PALLD: variants seen among roughly 807,000 people sequenced by gnomAD.
The protein encoded by PALLD is palladin.
A neutral mutation model predicts 123.5 loss-of-function variants in PALLD; 61 were observed. The observed-to-expected ratio is 0.49, with a 90% CI of 0.40 to 0.61. The LOEUF is 0.61. PALLD is among the 20% of genes least tolerant of loss of function. The pLI is 0.00. For synonymous variants in PALLD, 465 were observed against 496.4 expected, an observed-to-expected ratio of 0.94 and a Z score of 0.84; for missense variants, 1,273 against 1,377.0, an observed-to-expected ratio of 0.92 and a Z score of 1.20.
chr4:168,865,118 G>A (rs1750070243), intron 10 of PALLD, among the ~76,000 whole-genome samples: 1 of 152,242 alleles, frequency 6.6e-6, no homozygotes, highest in South Asian at 2.1e-4. Flanking sequence ...TGGAAGGACT[G>A]GTGCTGCCCC....
chr4:168,859,043 T>G (rs1020114465), intron 10 of PALLD, among the ~76,000 whole-genome samples: 1 of 152,332 alleles, frequency 6.6e-6, no homozygotes, highest in South Asian at 2.1e-4. Flanking sequence ...GGAGAAAAAT[T>G]TGTAGCATTT....
At chr4:168,809,875 G>A (rs115684292) in intron 10 of PALLD, among the ~76,000 whole-genome samples, 32 of 145,178 alleles carry the variant, frequency 2.2e-4, no homozygotes, top group East Asian at 4.0e-4. Context: ...AAAAAAAAAA[G>A]AAAAAAAAAT....
intron 2 of PALLD, among the ~76,000 whole-genome samples, chr4:168,624,040 T>C (rs1380132985): frequency 6.6e-6 from 1 of 152,180 alleles, no homozygotes; most frequent in African/African-American, 2.4e-5. Context: ...GAAACATATA[T>C]GAAAATTAAC....
At chr4:168,803,560 C>G (rs1739676037) in intron 10 of PALLD, among the ~76,000 whole-genome samples, 1 of 151,974 alleles carries the variant, frequency 6.6e-6, no homozygotes. Flanking sequence ...ATGGCGCACG[C>G]CTGCAGTCTC....
chr4:168,811,772 T>TCACA (rs1290275045), intron 10 of PALLD, among the ~76,000 whole-genome samples: 367 of 98,382 alleles, frequency 3.7e-3, no homozygotes, highest in African/African-American at 0.011. Context: ...TCTCTCTCTC[T>TCACA]CTCTCACACA....
At chr4:168,761,353 G>A (rs1196091218) in intron 10 of PALLD, among the ~76,000 whole-genome samples, 4 of 152,034 alleles carry the variant, frequency 2.6e-5, no homozygotes, top group Non-Finnish European at 5.9e-5. Flanking sequence ...TGGCTTATTA[G>A]CATGTAAAAC....
At chr4:168,561,915 A>G (rs1364001163) in intron 2 of PALLD, among the ~76,000 whole-genome samples, 1 of 144,046 alleles carries the variant, frequency 6.9e-6, no homozygotes. Context: ...CCACTAATCA[A>G]CAGATATTTC....
At chr4:168,543,738 G>T (rs1030355165) in intron 2 of PALLD, among the ~76,000 whole-genome samples, 1 of 152,138 alleles carries the variant, frequency 6.6e-6, no homozygotes, top group Admixed American at 6.5e-5. Context: ...GACACTATTG[G>T]CTCCCTCCAG....
intron 2 of PALLD, among the ~76,000 whole-genome samples, chr4:168,546,609 A>G (rs1766162071): frequency 6.6e-6 from 1 of 152,190 alleles, no homozygotes; most frequent in African/African-American, 2.4e-5. Flanking sequence ...GACATCCTGC[A>G]GGTCTTTAAA....
intron 10 of PALLD, among the ~76,000 whole-genome samples, chr4:168,768,759 G>A (rs779987968): frequency 5.9e-5 from 9 of 152,124 alleles, no homozygotes; most frequent in Non-Finnish European, 2.9e-5. Context: ...TGCAACCTCC[G>A]CCTCCTGGGT....
At chr4:168,797,432 G>A (rs904274742) in intron 10 of PALLD, among the ~76,000 whole-genome samples, 1 of 151,598 alleles carries the variant, frequency 6.6e-6, no homozygotes, top group Non-Finnish European at 1.5e-5. Flanking sequence ...TCCCACGCAG[G>A]GAGTTAATTC....
At chr4:168,503,345 C>T (rs924781347) in intron 1 of PALLD, among the ~76,000 whole-genome samples, 4 of 152,080 alleles carry the variant, frequency 2.6e-5, no homozygotes, top group African/African-American at 4.8e-5. Context: ...AAGGATGAAC[C>T]GGAGTTTGAA....
At chr4:168,591,523 C>T (rs1462861042) in intron 2 of PALLD, among the ~76,000 whole-genome samples, 1 of 152,158 alleles carries the variant, frequency 6.6e-6, no homozygotes, top group Non-Finnish European at 1.5e-5. Flanking sequence ...AAAAAGTAGT[C>T]ACAATTTTAC....
At chr4:168,545,242 A>G (rs976130612) in intron 2 of PALLD, among the ~76,000 whole-genome samples, 1 of 152,082 alleles carries the variant, frequency 6.6e-6, no homozygotes, top group African/African-American at 2.4e-5. Flanking sequence ...AGAACTCAAG[A>G]TTGGCCGGGT....
chr4:168,685,818 A>T lies in PALLD; in HGVS notation c.1335+259A>T, dbSNP rs10011012. On this transcript the variant is annotated intron_variant, in intron 6 of 21. Coordinates refer to ENST00000505667, the MANE Select transcript of PALLD (RefSeq NM_001166108.2). ...GAAAGCCAAGACAGATAGAAAAAAA[A>T]AAAAAAAAAAAAAAAAACCTGCTGT... 6.8e-3 allele frequency among the ~76,000 whole-genome samples: 1,014 copies of T among 148,562 alleles called. 18 individuals are homozygous for T. Among genetic ancestry groups the T allele is most frequent in the African/African-American group, 0.024 (945 of 39,368 alleles).
chr4:168,759,190 A>ATACAT (rs1285795044), intron 10 of PALLD, among the ~76,000 whole-genome samples: 1 of 26,438 alleles, frequency 3.8e-5, no homozygotes, highest in Non-Finnish European at 7.6e-5. Context: ...AAAAAAAAAA[A>ATACAT]AAAAAAAAAA....
chr4:168,789,041 A>G (rs776480216), intron 10 of PALLD, among the ~76,000 whole-genome samples: 1 of 152,176 alleles, frequency 6.6e-6, no homozygotes, highest in African/African-American at 2.4e-5. Context: ...TAATTGTATG[A>G]TCTATGTGTA....
chr4:168,782,806 T>C (rs1014523847), intron 10 of PALLD, among the ~76,000 whole-genome samples: 2 of 151,904 alleles, frequency 1.3e-5, no homozygotes, highest in Admixed American at 1.3e-4. Context: ...TCCTAGTGCT[T>C]TGGGAGGCTG....
At position 168,926,362 on chromosome 4, in the gene PALLD, T is replaced by G; in HGVS notation, c.*182T>G. The G allele has an allele frequency of 1.3e-6, 2 of 1,537,260 alleles. No homozygotes were observed. Among genetic ancestry groups the G allele is most frequent in the Non-Finnish European group, 8.7e-7 (1 of 1,146,792 alleles). On this transcript the variant is annotated 3_prime_UTR_variant, in exon 22 of 22. Coordinates refer to ENST00000505667, the MANE Select transcript of PALLD (RefSeq NM_001166108.2). ...ATCTCACCTGACACTGAATACTGCCTTGGTAGAAAGTGAGGACCTGTAATC... is the reference window on the plus strand; with the variant it reads ...ATCTCACCTGACACTGAATACTGCCGTGGTAGAAAGTGAGGACCTGTAATC...
Sources: allele counts gnomAD v4.1 joint callset (sites outside exome capture counted in the v4.1 genomes callset), GRCh38; gene constraint gnomAD v4.1.1; transcripts MANE v1.5; gene names NCBI Gene and HGNC (gene_info 2026-07-23, HGNC 2026-07-21).